The following SMIM8 variants were observed in gnomAD, a reference collection of about 807,000 sequenced individuals.
SMIM8 encodes UPF0708 protein C6orf162.
SMIM8 carries 8 observed loss-of-function variants against 8.1 expected under a neutral mutation model. The ratio of observed to expected loss-of-function variants is 0.99; its 90% CI spans 0.58 to 1.78. The LOEUF (loss-of-function observed/expected upper bound fraction) is 1.78, where lower values mean the gene tolerates loss of function less well. Ranked by LOEUF, SMIM8 falls within the 40% of genes most tolerant of loss-of-function variation. The pLI is 0.00. For synonymous variants in SMIM8, 45 were observed against 39.7 expected (o/e 1.13, Z -0.50); for missense variants, 126 against 119.8 (o/e 1.05, Z -0.24).
intron 2 of SMIM8, among the ~76,000 whole-genome samples, chr6:87,335,679 A>G (rs565675280): frequency 1.1e-4 from 17 of 152,154 alleles, no homozygotes; most frequent in Admixed American, 5.9e-4. Context: ...TATAAAGTCT[A>G]TAAAATAGTA....
intron 1 of SMIM8, among the ~76,000 whole-genome samples, chr6:87,325,100 T>TTA (rs1186073056): frequency 6.6e-6 from 1 of 152,142 alleles, no homozygotes; most frequent in Non-Finnish European, 1.5e-5. Flanking sequence ...TGCTTGTGAT[T>TTA]TTTGTACATT....
At chr6:87,336,268 T>C (rs548060615) in intron 2 of SMIM8, among the ~76,000 whole-genome samples, 8 of 152,254 alleles carry the variant, frequency 5.3e-5, no homozygotes, top group African/African-American at 1.9e-4. Flanking sequence ...TTTTGCCTAA[T>C]AATACCTAGA....
intron 3 of SMIM8, among the ~76,000 whole-genome samples, chr6:87,338,374 G>C (rs1406283418): frequency 2.6e-5 from 4 of 152,208 alleles, no homozygotes; most frequent in Admixed American, 6.5e-5. Flanking sequence ...GAGAGCAAAA[G>C]AGAGGCTGGA....
intron 1 of SMIM8, among the ~76,000 whole-genome samples, chr6:87,327,804 C>G (rs1350241246): frequency 6.7e-6 from 1 of 148,436 alleles, no homozygotes; most frequent in Non-Finnish European, 1.5e-5. Flanking sequence ...GTTGGCCTGC[C>G]TTGCTAGATT....
intron 1 of SMIM8, among the ~76,000 whole-genome samples, chr6:87,330,432 C>T (rs1055162624): frequency 2.0e-5 from 3 of 151,802 alleles, no homozygotes; most frequent in African/African-American, 7.3e-5. Flanking sequence ...TTTGCATGTA[C>T]AATATATTAA....
chr6:87,341,306 T>A lies in SMIM8; in HGVS notation c.*1032T>A, dbSNP rs1777228200. The A allele has an allele frequency of 2.5e-6, 1 of 398,396 alleles. No homozygotes were observed. Among genetic ancestry groups the A allele is most frequent in the African/African-American group, 2.1e-5 (1 of 48,578 alleles). 24.7% of individuals were successfully genotyped at this position (398,396 alleles called of 1,614,324 possible). A position where few individuals can be genotyped will look rare whatever the true frequency, so the allele number is the denominator to read the frequency against. On this transcript the variant is annotated 3_prime_UTR_variant, in exon 4 of 4. Coordinates refer to ENST00000392863, the MANE Select transcript of SMIM8 (RefSeq NM_001042493.3). ...GGACAGAAATGGGGGTAAAAATGAGTGTAAACAAAGCCTAGCCCTACGGTC... is the reference window on the plus strand; with the variant it reads ...GGACAGAAATGGGGGTAAAAATGAGAGTAAACAAAGCCTAGCCCTACGGTC...
chr6:87,341,594 A>G lies in SMIM8; in HGVS notation c.*1320A>G, dbSNP rs937205416. ...CTATTAATATTACCAAGTAATAATA[A>G]CAGCACAGGCAGAGTTTATCATAAT... On this transcript the variant is annotated 3_prime_UTR_variant, in exon 4 of 4. Coordinates refer to ENST00000392863, the MANE Select transcript of SMIM8 (RefSeq NM_001042493.3). 3 of 303,512 alleles carry G rather than the reference A, an allele frequency of 9.9e-6. No individual in the cohort carries two copies. Among genetic ancestry groups the G allele is most frequent in the African/African-American group, 6.4e-5 (3 of 46,548 alleles). 18.8% of individuals were successfully genotyped at this position (303,512 alleles called of 1,614,324 possible).
Position 87,340,234 on chromosome 6 carries a change from G to C in SMIM8, c.254G>C (p.Gly85Ala), listed in dbSNP as rs577935186. 128 of 1,609,398 alleles carry C rather than the reference G, an allele frequency of 8.0e-5. 1 individual carries two copies. The South Asian group carries it at 1.4e-3, about 17-fold the overall frequency. ...CTCTATGAAGCTATTGATAGTGAGG[G>C]GCACAGTTATATGAGGCGGAAAACA... ...KDLYEAIDSEGHSYMRRKTSK... is the reference protein window; with the variant it reads ...KDLYEAIDSEAHSYMRRKTSK... The change falls in exon 4 of 4, where the codon GGG (glycine) becomes GCG (alanine). Residue 85 changes from glycine to alanine, a missense_variant. By Grantham distance (60) the Gly-to-Ala change is moderately conservative (BLOSUM62 0). Coordinates refer to ENST00000392863, the MANE Select transcript of SMIM8 (RefSeq NM_001042493.3).
intron 1 of SMIM8, among the ~76,000 whole-genome samples, chr6:87,327,200 A>G (rs1050151938): frequency 3.8e-4 from 56 of 148,434 alleles, no homozygotes; most frequent in African/African-American, 1.2e-3. Context: ...CAGCACACTG[A>G]TGGGTCTTGA....
chr6:87,324,610 T>A (rs1321228130), intron 1 of SMIM8, among the ~76,000 whole-genome samples: 3 of 150,098 alleles, frequency 2.0e-5, no homozygotes, highest in Non-Finnish European at 4.4e-5. Flanking sequence ...GAGGGCTCTG[T>A]TCTATTCCAT....
chr6:87,332,746 G>A (rs535956242), intron 2 of SMIM8, among the ~76,000 whole-genome samples: 1 of 23,382 alleles, frequency 4.3e-5, no homozygotes, highest in Admixed American at 2.3e-4. Flanking sequence ...GTTTATGTCA[G>A]TTTCTGGTTA....
chr6:87,335,860 A>AAAG lies in SMIM8; in HGVS notation c.-23-1147_-23-1146insGAA, dbSNP rs1479090425. 7.3e-5 allele frequency among the ~76,000 whole-genome samples: 11 copies of AAAG among 150,420 alleles called. No individual in the cohort carries two copies. In the East Asian group the frequency reaches 1.9e-3, roughly 27 times the overall value. ...CCGTCCCTACCAAAAAAAAAAAAAA[A>AAAG]AAAAAAAAAAGCCAGGTGTGGTGCA... is the stretch of plus-strand genomic sequence containing the variant. On this transcript the variant is annotated intron_variant, in intron 2 of 3. Transcript: ENST00000392863.
chr6:87,329,011 T>G (rs1046330362), intron 1 of SMIM8: 3 of 153,338 alleles, frequency 2.0e-5, no homozygotes, highest in African/African-American at 7.2e-5. Flanking sequence ...AGTGACCCGA[T>G]TTTCCATGTG....
intron 1 of SMIM8, among the ~76,000 whole-genome samples, chr6:87,327,483 G>A (rs1192369426): frequency 6.6e-6 from 1 of 151,562 alleles, no homozygotes; most frequent in Non-Finnish European, 1.5e-5. Flanking sequence ...TTGCTTGTCT[G>A]TAAAGTATTT....
intron 2 of SMIM8, among the ~76,000 whole-genome samples, chr6:87,334,466 TGGATACAGGGTCCAGCTGTATCCAAACA>T: frequency 6.6e-6 from 1 of 152,100 alleles, no homozygotes; most frequent in Non-Finnish European, 1.5e-5. Flanking sequence ...TGTTTGTTTT[TGGATACAGGGTCCAGCTGTATCCAAACA>T]GGATACAGCC....
chr6:87,336,961 C>G, intron 2 of SMIM8, 48 bp from the exon 3 acceptor site: 2 of 1,409,796 alleles, frequency 1.4e-6, no homozygotes, highest in African/African-American at 1.5e-5. Flanking sequence ...AGAAATTTAT[C>G]AGAGAAGCAC....
At chr6:87,332,955 T>G (rs1777025249) in intron 2 of SMIM8, among the ~76,000 whole-genome samples, 1 of 152,196 alleles carries the variant, frequency 6.6e-6, no homozygotes, top group Non-Finnish European at 1.5e-5. Flanking sequence ...AATGACTGCT[T>G]CATTTTGCAT....
intron 1 of SMIM8, among the ~76,000 whole-genome samples, chr6:87,327,137 C>G (rs549256006): frequency 1.3e-5 from 2 of 151,438 alleles, no homozygotes; most frequent in East Asian, 3.9e-4. Flanking sequence ...TTCCTCCATC[C>G]TTTTATTTTG....
intron 3 of SMIM8, among the ~76,000 whole-genome samples, chr6:87,337,853 C>T (rs1162607448): frequency 6.6e-6 from 1 of 152,146 alleles, no homozygotes; most frequent in Non-Finnish European, 1.5e-5. Flanking sequence ...GTTTTGAACT[C>T]CTGGCCTTAA....
Sources: gnomAD v4.1 joint callset for allele counts (sites outside exome capture counted in the v4.1 genomes callset) on GRCh38, gnomAD v4.1.1 for gene constraint, MANE v1.5 for transcripts, NCBI Gene and HGNC (gene_info 2026-07-23, HGNC 2026-07-21) for gene names.